ARHGAP39: variants seen among roughly 807,000 people sequenced by gnomAD.
ARHGAP39 encodes rho GTPase-activating protein 39.
Under a neutral mutation model 106.9 loss-of-function variants are expected in ARHGAP39, and 44 were observed. The observed-to-expected ratio is 0.41, with a 90% CI of 0.32 to 0.53. The LOEUF is 0.53. Ranked by LOEUF, ARHGAP39 falls within the 20% of genes least tolerant of loss-of-function variation. The pLI is 0.21. For missense variants in ARHGAP39, 1,496 were observed against 1,577.3 expected (o/e 0.95, Z 0.87); for synonymous variants, 768 against 693.2 (o/e 1.11, Z -1.69).
intron 5 of ARHGAP39, among the ~76,000 whole-genome samples, chr8:144,546,798 T>C (rs930699254): frequency 3.3e-5 from 5 of 152,118 alleles, no homozygotes; most frequent in African/African-American, 9.7e-5. Context: ...ACGGCTCCGG[T>C]GGCCACCACC....
chr8:144,630,406 C>A (rs1322369240), intron 1 of ARHGAP39, among the ~76,000 whole-genome samples: 1 of 152,126 alleles, frequency 6.6e-6, no homozygotes, highest in African/African-American at 2.4e-5. Context: ...GGTTCTCCAG[C>A]CCTACGGTGG....
At position 144,644,053 on chromosome 8, in the gene ARHGAP39, C is replaced by T. The variant is rs140063328; in HGVS notation, c.-81-38358G>A. Among the ~76,000 whole-genome samples the T allele has an allele frequency of 6.6e-6, 1 of 152,194 alleles. No homozygotes were observed. The highest frequency in any genetic ancestry group is 2.4e-5 in the African/African-American group (1 of 41,434). On this transcript the variant is annotated intron_variant, in intron 1 of 11. Coordinates refer to ENST00000377307, the MANE Select transcript of ARHGAP39 (RefSeq NM_025251.3). This position sits in a 1 kb window ranked among gnomAD's most constrained non-coding sequence, Gnocchi z 4.8. ...AAATCTACCACGTGACCCAGCAATT[C>T]CACTCCCAGGAATCTAGTCGGGAGA...
Position 144,684,871 on chromosome 8 carries a change from C to T in ARHGAP39, c.-82+815G>A, listed in dbSNP as rs1822536525. The stretch of plus-strand genomic sequence containing the variant: ...CCACCCGCAGGCGGCCATGACCCCA[C>T]CTGGAGACGCCCATGTCCGCTCCCT... On this transcript the variant is annotated intron_variant, in intron 1 of 11. Coordinates refer to ENST00000377307, the MANE Select transcript of ARHGAP39 (RefSeq NM_025251.3). The surrounding 1 kb of genome is among the most constrained non-coding windows in gnomAD (Gnocchi z 4.4). 6.6e-6 allele frequency among the ~76,000 whole-genome samples: 1 copy of T among 152,214 alleles called. No individual in the cohort carries two copies. Among genetic ancestry groups the T allele is most frequent in the African/African-American group, 2.4e-5 (1 of 41,456 alleles).
At chr8:144,676,931 A>G (rs1371806969) in intron 1 of ARHGAP39, among the ~76,000 whole-genome samples, 2 of 152,222 alleles carry the variant, frequency 1.3e-5, no homozygotes, top group Non-Finnish European at 2.9e-5. Context: ...CTCCACGCCC[A>G]GCTAATTTTT....
At chr8:144,538,108 G>C (rs888251540) in intron 6 of ARHGAP39, among the ~76,000 whole-genome samples, 2 of 152,250 alleles carry the variant, frequency 1.3e-5, no homozygotes, top group African/African-American at 4.8e-5. Flanking sequence ...CGCCTGGGGA[G>C]CAGGAGGAGA....
At chr8:144,572,965 GA>G (rs1275214027) in intron 3 of ARHGAP39, among the ~76,000 whole-genome samples, 1 of 152,186 alleles carries the variant, frequency 6.6e-6, no homozygotes, top group Non-Finnish European at 1.5e-5. Flanking sequence ...AAAAAGTCAG[GA>G]AACAACAGGT....
chr8:144,682,328 T>C (rs1822445949), intron 1 of ARHGAP39, among the ~76,000 whole-genome samples: 1 of 146,714 alleles, frequency 6.8e-6, no homozygotes. Context: ...GGCGGGTGGA[T>C]CACGAGGTCA....
In ARHGAP39 at chr8:144,547,458, G is replaced by C. The variant is rs1375854956; in HGVS notation, c.1628C>G (p.Ala543Gly). The C allele has an allele frequency of 6.4e-7, 1 of 1,561,880 alleles. No individual in the cohort carries two copies. The highest frequency in any genetic ancestry group is 2.3e-5 in the East Asian group (1 of 43,224). Residue 543 changes from alanine (A) to glycine (G), a missense_variant, in exon 5 of 12, where the codon GCC becomes GGC. Around this residue, in one of 4 missense-constraint regions of ARHGAP39, gnomAD observed 905 missense variants for 816.4 expected, o/e 1.11. Coordinates refer to ENST00000377307, the MANE Select transcript of ARHGAP39 (RefSeq NM_025251.3). This position sits in a 1 kb window ranked among gnomAD's most constrained non-coding sequence, Gnocchi z 5.2. ...CTCGGCCGCGCCCCGCGCCCCTTCG[G>C]CCTCACCTTCCGCTCGCTTCACGGG... Reference protein sequence around the residue: ...LAPVKRAEGEAEGARGAAEPF... With the variant: ...LAPVKRAEGEGEGARGAAEPF...
chr8:144,647,492 G>C lies in ARHGAP39; in HGVS notation c.-82+38194C>G, dbSNP rs751196793. Reference sequence around the variant, plus strand: ...AACATTCCCACAAGGAAAGGCTATCGGCAGCCTGCAGCCGCCCACCCTGCT... The same window carrying C: ...AACATTCCCACAAGGAAAGGCTATCCGCAGCCTGCAGCCGCCCACCCTGCT... On this transcript the variant is annotated intron_variant, in intron 1 of 11. Coordinates refer to ENST00000377307, the MANE Select transcript of ARHGAP39 (RefSeq NM_025251.3). This position sits in a 1 kb window ranked among gnomAD's most constrained non-coding sequence, Gnocchi z 4.8. 6.6e-6 allele frequency among the ~76,000 whole-genome samples: 1 copy of C among 152,172 alleles called. No homozygotes were observed. Among genetic ancestry groups the C allele is most frequent in the Non-Finnish European group, 1.5e-5 (1 of 68,038 alleles).
At chr8:144,569,395 A>C (rs919766721) in intron 3 of ARHGAP39, among the ~76,000 whole-genome samples, 2 of 152,256 alleles carry the variant, frequency 1.3e-5, no homozygotes, top group Non-Finnish European at 2.9e-5. Flanking sequence ...ACCTGCAAAC[A>C]ACCCAAATGC....
the ARHGAP39 span, among the ~76,000 whole-genome samples, chr8:144,691,653 T>A: frequency 4.0e-5 from 6 of 151,760 alleles, no homozygotes; most frequent in African/African-American, 1.5e-4. Flanking sequence ...GCTGTAGGTG[T>A]TTTTTTTAGG....
intron 1 of ARHGAP39, among the ~76,000 whole-genome samples, chr8:144,606,598 A>G (rs559751374): frequency 3.2e-4 from 49 of 151,938 alleles, no homozygotes; most frequent in East Asian, 1.7e-3. Flanking sequence ...TAGTTAAGAG[A>G]AGGAGGAGGA....
intron 1 of ARHGAP39, among the ~76,000 whole-genome samples, chr8:144,658,605 C>A (rs1821753583): frequency 6.6e-6 from 1 of 152,088 alleles, no homozygotes; most frequent in Admixed American, 6.6e-5. Context: ...GGGACCTGAT[C>A]ATCCTTGAAT....
At chr8:144,560,980 G>A (rs982840951) in intron 3 of ARHGAP39, among the ~76,000 whole-genome samples, 3 of 152,256 alleles carry the variant, frequency 2.0e-5, no homozygotes, top group Admixed American at 6.5e-5. Context: ...TCACTGATGG[G>A]AAATTAATTA....
the ARHGAP39 span, among the ~76,000 whole-genome samples, chr8:144,696,416 G>A: frequency 6.6e-6 from 1 of 152,216 alleles, no homozygotes; most frequent in Admixed American, 6.5e-5. Context: ...TGGGATTACA[G>A]GGTGAGCCAC....
At chr8:144,665,913 A>G (rs550317170) in intron 1 of ARHGAP39, among the ~76,000 whole-genome samples, 4 of 152,298 alleles carry the variant, frequency 2.6e-5, no homozygotes, top group Admixed American at 2.6e-4. Context: ...TGACCCCAGA[A>G]TGGTAGATCC....
chr8:144,648,505 G>A (rs1454473775), intron 1 of ARHGAP39, among the ~76,000 whole-genome samples: 2 of 152,334 alleles, frequency 1.3e-5, no homozygotes, highest in South Asian at 2.1e-4. Flanking sequence ...CAGCCTAGGA[G>A]GAAACCATAC....
intron 4 of ARHGAP39, among the ~76,000 whole-genome samples, chr8:144,553,310 AT>A (rs1378810529): frequency 6.6e-6 from 1 of 152,154 alleles, no homozygotes; most frequent in Non-Finnish European, 1.5e-5. Context: ...GAAGCCCTAG[AT>A]CATAGCAAGA....
intron 1 of ARHGAP39, among the ~76,000 whole-genome samples, chr8:144,649,465 T>A (rs1821524588): frequency 6.7e-6 from 1 of 148,384 alleles, no homozygotes; most frequent in Admixed American, 6.8e-5. Context: ...ATAATAATAA[T>A]AAATAATAGA....
Sources: gnomAD v4.1 joint callset for allele counts (sites outside exome capture counted in the v4.1 genomes callset) on GRCh38, gnomAD v4.1.1 for gene constraint, gnomAD v4.1.1 regional missense constraint, Gnocchi (gnomAD v3.1) non-coding constraint, MANE v1.5 for transcripts, NCBI Gene and HGNC (gene_info 2026-07-23, HGNC 2026-07-21) for gene names.